The following NCKAP5 variants were observed in gnomAD, a reference collection of about 807,000 sequenced individuals.
NCKAP5 encodes nck-associated protein 5.
In NCKAP5, 92 loss-of-function variants were observed where a neutral mutation model predicts 167.0. The ratio of observed to expected loss-of-function variants is 0.55; its 90% CI spans 0.47 to 0.66. The LOEUF (loss-of-function observed/expected upper bound fraction) is 0.66. Ranked by LOEUF, NCKAP5 falls within the 30% of genes least tolerant of loss-of-function variation. The pLI is 0.00. For synonymous variants in NCKAP5, 891 were observed against 877.4 expected, an observed-to-expected ratio of 1.02 and a Z score of -0.27; for missense variants, 2,378 against 2,315.0, an observed-to-expected ratio of 1.03 and a Z score of -0.56.
At chr2:133,096,946 A>G (rs1559135833) in intron 6 of NCKAP5, among the ~76,000 whole-genome samples, 1 of 152,232 alleles carries the variant, frequency 6.6e-6, no homozygotes, top group Non-Finnish European at 1.5e-5. Context: ...GAGACTCTCT[A>G]TACAATACTT....
intron 7 of NCKAP5, among the ~76,000 whole-genome samples, chr2:132,973,759 A>G (rs910943152): frequency 2.6e-5 from 4 of 151,910 alleles, no homozygotes; most frequent in Non-Finnish European, 4.4e-5. Context: ...AAAAAAGAAA[A>G]CCTTCTCTTT....
At chr2:133,462,020 G>T (rs1209566093) in intron 3 of NCKAP5, among the ~76,000 whole-genome samples, 1 of 152,192 alleles carries the variant, frequency 6.6e-6, no homozygotes, top group Non-Finnish European at 1.5e-5. Flanking sequence ...TATGTTCTAT[G>T]GGAAAATAAT....
At chr2:133,303,596 C>T (rs938961623) in intron 3 of NCKAP5, among the ~76,000 whole-genome samples, 11 of 151,948 alleles carry the variant, frequency 7.2e-5, no homozygotes, top group Non-Finnish European at 1.6e-4. Context: ...ATGGACATGT[C>T]CATTTTTCTT....
intron 11 of NCKAP5, among the ~76,000 whole-genome samples, chr2:132,812,779 G>A (rs991838098): frequency 6.6e-6 from 1 of 152,182 alleles, no homozygotes; most frequent in Non-Finnish European, 1.5e-5. Flanking sequence ...ATTTCTCGCA[G>A]TTTTGGAGGC....
chr2:132,946,125 G>A (rs1697704188), intron 8 of NCKAP5, among the ~76,000 whole-genome samples: 1 of 152,196 alleles, frequency 6.6e-6, no homozygotes, highest in Non-Finnish European at 1.5e-5. Flanking sequence ...AAGAATTATA[G>A]ATGATGTCAG....
At chr2:132,767,284 T>C (rs1681585597) in intron 16 of NCKAP5, among the ~76,000 whole-genome samples, 1 of 152,182 alleles carries the variant, frequency 6.6e-6, no homozygotes, top group South Asian at 2.1e-4. Context: ...TTTGCTCTTG[T>C]TGCCCAGGCT....
chr2:132,732,585 A>C lies in NCKAP5; in HGVS notation c.5129-534T>G, dbSNP rs367707479. Among the ~76,000 whole-genome samples, 3 of 152,228 alleles carry C rather than the reference A, an allele frequency of 2.0e-5. No homozygotes were observed. The East Asian group carries it at 5.8e-4, about 29-fold the overall frequency. ...AGACCAGCCTGTTACAAGCAGCAAT[A>C]GTCGCTTGTGCATATATCCTGGATA... On this transcript the variant is annotated intron_variant, in intron 16 of 19. Coordinates refer to ENST00000409261, the MANE Select transcript of NCKAP5 (RefSeq NM_207363.3).
chr2:133,265,512 CTA>C (rs1216573857), intron 4 of NCKAP5, among the ~76,000 whole-genome samples: 1 of 152,208 alleles, frequency 6.6e-6, no homozygotes, highest in Non-Finnish European at 1.5e-5. Context: ...AGAAAATATC[CTA>C]TTTCTGACCA....
chr2:133,189,656 G>T (rs145675783), intron 5 of NCKAP5, among the ~76,000 whole-genome samples: 2,047 of 152,224 alleles, frequency 0.013, 26 homozygotes, highest in Non-Finnish European at 0.019. Flanking sequence ...ATGTAATCCA[G>T]CATATAAACA....
rs1195912984 is a variant in NCKAP5 at position 132,729,212 on chromosome 2, G to T, written c.5444-260C>A. On this transcript the variant is annotated intron_variant, in intron 17 of 19. Transcript: ENST00000409261. ...ACTACTTTTCTACAAAATGTTGAAAGACTACAGGTTAGGAAGGGTTCAGCA... is the reference window on the plus strand; with the variant it reads ...ACTACTTTTCTACAAAATGTTGAAATACTACAGGTTAGGAAGGGTTCAGCA... Among the ~76,000 whole-genome samples, 4 of 152,180 alleles carry T rather than the reference G, an allele frequency of 2.6e-5. No individual in the cohort carries two copies. In the East Asian group the frequency reaches 7.7e-4, roughly 29 times the overall value.
intron 11 of NCKAP5, among the ~76,000 whole-genome samples, chr2:132,799,888 C>T (rs1374203102): frequency 1.3e-5 from 2 of 152,084 alleles, no homozygotes; most frequent in Non-Finnish European, 2.9e-5. Context: ...TACCTATCAT[C>T]TCAAGCACAA....
chr2:133,566,875 C>A (rs13401160), intron 1 of NCKAP5, among the ~76,000 whole-genome samples: 3,081 of 152,250 alleles, frequency 0.02, 98 homozygotes, highest in African/African-American at 0.07. Context: ...CATATCTAAG[C>A]CTAATGTGTT....
the NCKAP5 span, among the ~76,000 whole-genome samples, chr2:133,622,947 A>G: frequency 7.6e-4 from 115 of 151,704 alleles, no homozygotes; most frequent in African/African-American, 2.7e-3. Flanking sequence ...CTGTATAAAA[A>G]TAGGCACATA....
At chr2:133,608,095 T>C in the NCKAP5 span, among the ~76,000 whole-genome samples, 121 of 152,366 alleles carry the variant, frequency 7.9e-4, no homozygotes, top group African/African-American at 2.9e-3. Context: ...TTTCATCTAT[T>C]TCCAAGATAG....
chr2:133,548,618 C>T (rs953227796), intron 2 of NCKAP5, among the ~76,000 whole-genome samples: 1 of 151,844 alleles, frequency 6.6e-6, no homozygotes, highest in Non-Finnish European at 1.5e-5. Context: ...ATTTCATATC[C>T]AGCCAAACTA....
chr2:133,288,617 T>G (rs1387808188), intron 4 of NCKAP5, among the ~76,000 whole-genome samples: 1 of 151,992 alleles, frequency 6.6e-6, no homozygotes, highest in East Asian at 1.9e-4. Context: ...CTGTGGAAAC[T>G]TAAACATTAT....
intron 5 of NCKAP5, among the ~76,000 whole-genome samples, chr2:133,193,225 A>T (rs908838369): frequency 6.6e-6 from 1 of 152,122 alleles, no homozygotes; most frequent in Admixed American, 6.6e-5. Flanking sequence ...GGAATAGATT[A>T]ATGGGTGCCA....
chr2:133,315,239 T>C (rs1681519497), intron 3 of NCKAP5, among the ~76,000 whole-genome samples: 1 of 152,124 alleles, frequency 6.6e-6, no homozygotes, highest in Non-Finnish European at 1.5e-5. Context: ...TCACTTTCAC[T>C]AGGGAGGTCA....
At chr2:132,722,652 T>C (rs1690035879) in intron 19 of NCKAP5, among the ~76,000 whole-genome samples, 2 of 152,036 alleles carry the variant, frequency 1.3e-5, no homozygotes, top group East Asian at 1.9e-4. Context: ...CCACTTCCAC[T>C]TGCAGGCTTA....
Sources: gnomAD v4.1 joint callset for allele counts (sites outside exome capture counted in the v4.1 genomes callset) on GRCh38, gnomAD v4.1.1 for gene constraint, MANE v1.5 for transcripts, NCBI Gene and HGNC (gene_info 2026-07-23, HGNC 2026-07-21) for gene names.